Variants in FAM13B observed in about 807,000 individuals in gnomAD.
The protein encoded by FAM13B is protein FAM13B.
In FAM13B, 60 loss-of-function variants were observed where a neutral mutation model predicts 117.3. The ratio of observed to expected loss-of-function variants is 0.51; its 90% CI spans 0.42 to 0.63. The LOEUF is 0.63. Ranked by LOEUF, FAM13B falls within the 30% of genes least tolerant of loss-of-function variation. The probability of loss-of-function intolerance (pLI) is 0.00; values close to 1 mark genes in which losing one functional copy is unlikely to be tolerated. For synonymous variants in FAM13B, 332 were observed against 356.1 expected (o/e 0.93, Z 0.76); for missense variants, 972 against 1,091.9 (o/e 0.89, Z 1.55).
chr5:137,960,382 A>C (rs1203774049), intron 11 of FAM13B, among the ~76,000 whole-genome samples, 168 bp from the exon 12 acceptor site: 1 of 152,102 alleles, frequency 6.6e-6, no homozygotes, highest in Non-Finnish European at 1.5e-5. Flanking sequence ...ATATCTGAAA[A>C]ATCACACAAT....
chr5:137,959,589 G>A, intron 13 of FAM13B, 27 bp downstream of exon 13: 1 of 1,611,878 alleles, frequency 6.2e-7, no homozygotes, highest in Non-Finnish European at 8.5e-7. Flanking sequence ...ACATTATCAG[G>A]AAAATAATGC....
At chr5:137,953,497 A>G (rs778907091) in intron 15 of FAM13B, 32 bp from the exon 16 acceptor site, 1 of 1,609,190 alleles carries the variant, frequency 6.2e-7, no homozygotes, top group Non-Finnish European at 8.5e-7. Context: ...ACACTGTTAA[A>G]TTTTCAAGTA....
chr5:137,941,939 C>T lies in FAM13B; in HGVS notation c.2690+5G>A. ...GATGACTCAATTTTGTGATGCTCAA[C>T]AAACCTTCCATTTTGTTGATAAAAT... On this transcript the variant is annotated splice_donor_5th_base_variant and intron_variant, in intron 23 of 23. Coordinates refer to ENST00000689681, the MANE Select transcript of FAM13B (RefSeq NM_001385994.1). 1 of 1,612,130 alleles carries T rather than the reference C, an allele frequency of 6.2e-7. No individual in the cohort carries two copies. Among genetic ancestry groups the T allele is most frequent in the East Asian group, 2.2e-5 (1 of 44,858 alleles).
upstream of FAM13B, chr5:138,036,074 G>A (rs186033790): frequency 2.7e-4 from 77 of 287,000 alleles, no homozygotes; most frequent in Admixed American, 9.7e-4. Flanking sequence ...TCTCACACTC[G>A]TCCATTTGCA....
chr5:137,939,757 G>GT lies in FAM13B; in HGVS notation c.*467dup. 1.4e-6 allele frequency: 1 copy of GT among 701,788 alleles called. No individual in the cohort carries two copies. The highest frequency in any genetic ancestry group is 1.8e-6 in the Non-Finnish European group (1 of 541,136). The allele number at this position is 701,788 out of a possible 1,614,324, so 43.5% of individuals were successfully genotyped here. On this transcript the variant is annotated 3_prime_UTR_variant, in exon 24 of 24. Coordinates refer to ENST00000689681, the MANE Select transcript of FAM13B (RefSeq NM_001385994.1). ...CTAGGAAAACAGAGAACACAGTTGC[G>GT]TATGTGCACTTTTATAGGCTTTTCT...
chr5:137,978,930 C>A (rs947189381), intron 10 of FAM13B, among the ~76,000 whole-genome samples: 1 of 152,136 alleles, frequency 6.6e-6, no homozygotes, highest in African/African-American at 2.4e-5. Flanking sequence ...GTTTCTTACC[C>A]CAGTTTGCAC....
At chr5:137,946,342 C>CAAAAAAAA in intron 18 of FAM13B, 31 bp from the exon 19 acceptor site, 5 of 919,174 alleles carry the variant, frequency 5.4e-6, no homozygotes, top group East Asian at 3.3e-5. Context: ...TAACAAAATA[C>CAAAAAAAA]AAAAAAAAAA....
chr5:137,960,290 C>A, intron 11 of FAM13B, 76 bp from the exon 12 acceptor site: 1 of 809,692 alleles, frequency 1.2e-6, no homozygotes, highest in South Asian at 1.8e-5. Context: ...TACCTAGATT[C>A]CTCTACTCCA....
intron 15 of FAM13B, 84 bp from the exon 16 acceptor site, chr5:137,953,549 C>G (rs1765618722): frequency 1.5e-6 from 2 of 1,375,384 alleles, no homozygotes; most frequent in African/African-American, 2.9e-5. Flanking sequence ...GCACTATTAG[C>G]AATAAGTAAA....
upstream of FAM13B, chr5:138,036,264 C>G (rs1791150619): frequency 2.7e-6 from 1 of 368,054 alleles, no homozygotes; most frequent in East Asian, 7.4e-5. Context: ...AGCAAAGCGT[C>G]TGGACGAAGG....
intron 18 of FAM13B, among the ~76,000 whole-genome samples, chr5:137,947,325 A>AT (rs1763704732): frequency 2.0e-5 from 3 of 152,250 alleles, no homozygotes; most frequent in Non-Finnish European, 4.4e-5. Context: ...TCAGTAGAGG[A>AT]TAGCTGAGTG....
rs142054039 is a variant in FAM13B at position 137,988,054 on chromosome 5, A to G, written c.890+220T>C. Among the ~76,000 whole-genome samples the G allele has an allele frequency of 3.8e-3, 572 of 152,336 alleles. 3 individuals carry two copies. The highest frequency in any genetic ancestry group is 0.013 in the African/African-American group (537 of 41,586). ...TATGAACATTTTTCAATTATTTCAG[A>G]GGATTCAAAAAAACCATCTGAAGAA... On this transcript the variant is annotated intron_variant, in intron 8 of 23. Coordinates refer to ENST00000689681, the MANE Select transcript of FAM13B (RefSeq NM_001385994.1).
At chr5:138,025,266 T>C (rs1028655330) in intron 1 of FAM13B, among the ~76,000 whole-genome samples, 5 of 146,108 alleles carry the variant, frequency 3.4e-5, no homozygotes, top group Non-Finnish European at 6.0e-5. Context: ...CACCATGAGA[T>C]AACAGTGATT....
rs1046452477 is a variant in FAM13B, at chr5:138,019,190, G to C, written c.-35-44C>G. ...AAAAAAAAGACTATAATGATTAACA[G>C]GTGGCAATATGACTAGATACATTAA... On this transcript the variant is annotated intron_variant, in intron 2 of 23. Transcript: ENST00000689681. The C allele has an allele frequency of 3.7e-5, 57 of 1,542,348 alleles. 1 individual carries two copies. Among genetic ancestry groups the C allele is most frequent in the Non-Finnish European group, 2.2e-5 (25 of 1,137,782 alleles).
intron 10 of FAM13B, among the ~76,000 whole-genome samples, chr5:137,973,572 C>T (rs1489133385): frequency 6.6e-6 from 1 of 152,212 alleles, no homozygotes; most frequent in African/African-American, 2.4e-5. Context: ...GTCTAAAACA[C>T]TAAAAGCAAC....
chr5:138,029,217 G>A (rs953970914), intron 1 of FAM13B, among the ~76,000 whole-genome samples: 1 of 152,184 alleles, frequency 6.6e-6, no homozygotes, highest in Non-Finnish European at 1.5e-5. Flanking sequence ...CAAGCTCAGA[G>A]AGCTGAAGAA....
Position 137,974,016 on chromosome 5 carries a change from A to T in FAM13B, c.1179+11241T>A, listed in dbSNP as rs1282532020. ...TTTTACACTGTTGGTGGGACTGTAAACTAGTTCAACCATTGTGGAAGTCAG... is the reference window on the plus strand; with the variant it reads ...TTTTACACTGTTGGTGGGACTGTAATCTAGTTCAACCATTGTGGAAGTCAG... On this transcript the variant is annotated intron_variant, in intron 10 of 23. Transcript: ENST00000689681. Among the ~76,000 whole-genome samples the T allele has an allele frequency of 2.3e-3, 322 of 141,482 alleles. 1 individual carries two copies. Among genetic ancestry groups the T allele is most frequent in the Middle Eastern group, 7.2e-3 (2 of 278 alleles). The allele number at this position is 141,482 out of a possible 152,430, so 92.8% of individuals were successfully genotyped here. A position where few individuals can be genotyped will look rare whatever the true frequency, so the allele number is the denominator to read the frequency against.
chr5:138,013,512 A>AG (rs1784559534), intron 4 of FAM13B, among the ~76,000 whole-genome samples: 1 of 151,760 alleles, frequency 6.6e-6, no homozygotes, highest in African/African-American at 2.4e-5. Context: ...AAAAAAAAAA[A>AG]AAAAATTTTA....
chr5:138,039,288 G>C (rs901986723), intron 1 of FAM13B: 15 of 152,214 alleles, frequency 9.9e-5, no homozygotes, highest in African/African-American at 3.6e-4. Flanking sequence ...AAACTGCTCT[G>C]AGATTCAGTG....
Sources: allele counts gnomAD v4.1 joint callset (sites outside exome capture counted in the v4.1 genomes callset), GRCh38; gene constraint gnomAD v4.1.1; transcripts MANE v1.5; gene names NCBI Gene and HGNC (gene_info 2026-07-23, HGNC 2026-07-21).